The following FSTL4 variants were observed in gnomAD, a reference collection of about 807,000 sequenced individuals.
The protein encoded by FSTL4 is follistatin-related protein 4.
A neutral mutation model predicts 78.2 loss-of-function variants in FSTL4; 28 were observed. The ratio of observed to expected loss-of-function variants is 0.36; its 90% CI spans 0.27 to 0.49. The LOEUF (loss-of-function observed/expected upper bound fraction) is 0.49. FSTL4 is among the 20% of genes least tolerant of loss of function. FSTL4 has a pLI of 0.98. For missense variants in FSTL4, 922 were observed against 1,084.9 expected (o/e 0.85, Z 2.11); for synonymous variants, 422 against 440.5 (o/e 0.96, Z 0.53).
Position 133,274,603 on chromosome 5 carries a change from C to T in FSTL4, c.728-25027G>A, listed in dbSNP as rs547447057. Reference sequence around the variant, plus strand: ...AGGTCTGAAGCCTAGGGGCTGGTCCCGAGTGAGAGGGCTTTGGTGGGGTGG... The same window carrying T: ...AGGTCTGAAGCCTAGGGGCTGGTCCTGAGTGAGAGGGCTTTGGTGGGGTGG... On this transcript the variant is annotated intron_variant, in intron 6 of 15. Coordinates refer to ENST00000265342, the MANE Select transcript of FSTL4 (RefSeq NM_015082.2). 5.3e-5 allele frequency among the ~76,000 whole-genome samples: 8 copies of T among 152,144 alleles called. No homozygotes were observed. In the South Asian group the frequency reaches 8.3e-4, roughly 16 times the overall value.
chr5:133,294,458 G>A (rs902231380), intron 6 of FSTL4, among the ~76,000 whole-genome samples: 7 of 152,240 alleles, frequency 4.6e-5, no homozygotes, highest in African/African-American at 1.4e-4. Flanking sequence ...CATGCTCCAC[G>A]TGCCACCCAC....
At chr5:133,409,900 A>C (rs1460650635) in intron 3 of FSTL4, among the ~76,000 whole-genome samples, 1 of 152,200 alleles carries the variant, frequency 6.6e-6, no homozygotes, top group Non-Finnish European at 1.5e-5. Context: ...TCTCTTTCAC[A>C]TGCAACCCTC....
At chr5:133,810,745 C>A in the FSTL4 span, among the ~76,000 whole-genome samples, 2 of 152,146 alleles carry the variant, frequency 1.3e-5, no homozygotes, top group African/African-American at 4.8e-5. Flanking sequence ...CCCCACCTAA[C>A]CTTATTATGC....
the FSTL4 span, among the ~76,000 whole-genome samples, chr5:133,759,350 G>C: frequency 6.6e-6 from 1 of 152,206 alleles, no homozygotes; most frequent in Non-Finnish European, 1.5e-5. Flanking sequence ...TGCATAGTGA[G>C]AGCATAACTT....
chr5:133,677,213 A>T, the FSTL4 span, among the ~76,000 whole-genome samples: 1 of 152,174 alleles, frequency 6.6e-6, no homozygotes, highest in East Asian at 1.9e-4. Context: ...TCCATAAAAC[A>T]TTTACTTTCC....
At chr5:133,346,870 G>A (rs1038155780) in intron 4 of FSTL4, among the ~76,000 whole-genome samples, 3 of 151,730 alleles carry the variant, frequency 2.0e-5, no homozygotes, top group African/African-American at 7.3e-5. Flanking sequence ...CTTATTCTTC[G>A]GCTCCTTCTA....
At chr5:133,643,416 C>G in the FSTL4 span, among the ~76,000 whole-genome samples, 1 of 152,136 alleles carries the variant, frequency 6.6e-6, no homozygotes, top group African/African-American at 2.4e-5. Flanking sequence ...CTTCCTGAGG[C>G]CTGAGGCTAT....
intron 3 of FSTL4, among the ~76,000 whole-genome samples, chr5:133,536,483 A>C (rs1329627535): frequency 6.6e-6 from 1 of 152,144 alleles, no homozygotes; most frequent in Non-Finnish European, 1.5e-5. Flanking sequence ...TCAGTCAATT[A>C]CTTTTGGGGG....
chr5:133,707,103 C>G, the FSTL4 span, among the ~76,000 whole-genome samples: 1 of 152,194 alleles, frequency 6.6e-6, no homozygotes, highest in Non-Finnish European at 1.5e-5. Flanking sequence ...GTCAGAGGAC[C>G]AAACTAGTGC....
intron 3 of FSTL4, among the ~76,000 whole-genome samples, chr5:133,480,262 C>T (rs1271859566): frequency 4.6e-5 from 7 of 152,234 alleles, no homozygotes; most frequent in Non-Finnish European, 1.0e-4. Flanking sequence ...TGTAAGCCTC[C>T]GTTTCCTCAT....
chr5:133,691,027 A>G, the FSTL4 span, among the ~76,000 whole-genome samples: 1 of 152,214 alleles, frequency 6.6e-6, no homozygotes, highest in South Asian at 2.1e-4. Flanking sequence ...GCTCGCAATC[A>G]TAATCCTGCC....
At chr5:133,484,329 G>A (rs1237750434) in intron 3 of FSTL4, among the ~76,000 whole-genome samples, 1 of 152,224 alleles carries the variant, frequency 6.6e-6, no homozygotes, top group Non-Finnish European at 1.5e-5. Flanking sequence ...GACACTGGGA[G>A]AGGCTACTTA....
At chr5:133,674,953 G>A in the FSTL4 span, among the ~76,000 whole-genome samples, 1 of 152,150 alleles carries the variant, frequency 6.6e-6, no homozygotes, top group Non-Finnish European at 1.5e-5. Flanking sequence ...TTAGGTACTA[G>A]GCTCATTGCA....
At chr5:133,385,350 T>A (rs1334150566) in intron 4 of FSTL4, among the ~76,000 whole-genome samples, 1 of 152,184 alleles carries the variant, frequency 6.6e-6, no homozygotes, top group East Asian at 1.9e-4. Flanking sequence ...TACTTTACTA[T>A]CCTCAGGAGT....
intron 4 of FSTL4, among the ~76,000 whole-genome samples, chr5:133,337,515 G>C (rs1213225703): frequency 1.3e-5 from 2 of 152,190 alleles, no homozygotes; most frequent in African/African-American, 2.4e-5. Flanking sequence ...TGAGCAAAGC[G>C]CCGTGATTAT....
intron 3 of FSTL4, among the ~76,000 whole-genome samples, chr5:133,501,641 C>T (rs964196134): frequency 1.3e-5 from 2 of 152,108 alleles, no homozygotes; most frequent in Admixed American, 6.6e-5. Context: ...AAAATGCCTC[C>T]TCACCACCCA....
Position 133,282,358 on chromosome 5 carries a change from C to CTG in FSTL4, c.727+30295_727+30296insCA, listed in dbSNP as rs1375723967. ...CCCCAGAGGAGTCTTCCTGGTAGAT[C>CTG]CTTGCATGTTCCAGGGTAGGAAATC... is the stretch of plus-strand genomic sequence containing the variant. On this transcript the variant is annotated intron_variant, in intron 6 of 15. Coordinates refer to ENST00000265342, the MANE Select transcript of FSTL4 (RefSeq NM_015082.2). Among the ~76,000 whole-genome samples, 153 of 152,284 alleles carry CTG rather than the reference C, an allele frequency of 1.0e-3. 3 individuals are homozygous for CTG. The highest frequency in any genetic ancestry group is 3.4e-3 in the African/African-American group (142 of 41,558).
intron 1 of FSTL4, among the ~76,000 whole-genome samples, chr5:133,610,098 GTGAAGGTCACA>G (rs1312429429): frequency 6.6e-6 from 1 of 152,190 alleles, no homozygotes; most frequent in Non-Finnish European, 1.5e-5. Flanking sequence ...AGATCATAAC[GTGAAGGTCACA>G]TTTAAAAAGT....
chr5:133,422,725 A>T (rs1756725670), intron 3 of FSTL4, among the ~76,000 whole-genome samples: 1 of 152,240 alleles, frequency 6.6e-6, no homozygotes, highest in Non-Finnish European at 1.5e-5. Context: ...GAGTAAATAG[A>T]AAACAGTGTC....
Sources: gnomAD v4.1 joint callset for allele counts (sites outside exome capture counted in the v4.1 genomes callset) on GRCh38, gnomAD v4.1.1 for gene constraint, MANE v1.5 for transcripts, NCBI Gene and HGNC (gene_info 2026-07-23, HGNC 2026-07-21) for gene names.